SERPINB11: variants seen among roughly 807,000 people sequenced by gnomAD.
SERPINB11 encodes the protein serpin family B member 11.
In SERPINB11, 32 loss-of-function variants were observed where a neutral mutation model predicts 36.7. That is an observed-to-expected ratio of 0.87 (90% CI 0.66 to 1.17). SERPINB11 has a LOEUF of 1.17. Among genes scored for constraint, SERPINB11 ranks in the 50% most tolerant of loss-of-function variants. SERPINB11 has a pLI of 0.00. For synonymous variants in SERPINB11, 174 were observed against 168.1 expected (o/e 1.04, Z -0.27); for missense variants, 528 against 458.4 (o/e 1.15, Z -1.39).
At position 63,708,532 on chromosome 18, in the gene SERPINB11, G is replaced by T. The variant is rs562866154; in HGVS notation, c.-15-1647G>T. On this transcript the variant is annotated intron_variant, in intron 1 of 7. Coordinates refer to ENST00000544088, the MANE Select transcript of SERPINB11 (RefSeq NM_001370475.1). The stretch of plus-strand genomic sequence containing the variant: ...GAAAGTACTTAAGGATGATCACAAG[G>T]TTTTTAGCTTGAGAAAGAATAGAAG... Among the ~76,000 whole-genome samples the T allele has an allele frequency of 3.3e-5, 5 of 152,284 alleles. No homozygotes were observed. The South Asian group carries it at 8.3e-4, about 25-fold the overall frequency.
At chr18:63,711,462 T>C in intron 3 of SERPINB11, 68 bp downstream of exon 3, 1 of 1,242,620 alleles carries the variant, frequency 8.0e-7, no homozygotes, top group Non-Finnish European at 1.2e-6. Context: ...ATAGTCTGGG[T>C]GTTGAGTAGA....
At chr18:63,712,824 G>T in intron 4 of SERPINB11, 131 bp downstream of exon 4, 1 of 1,025,434 alleles carries the variant, frequency 9.8e-7, no homozygotes, top group Non-Finnish European at 1.4e-6. Flanking sequence ...CTAACTTACA[G>T]TTTCAGTGAA....
Position 63,723,358 on chromosome 18 carries a change from AC to A in SERPINB11, c.1140del (p.Asn381ThrfsTer25), listed in dbSNP as rs1241084525. ...PFLFFIRHTH[T>X]NTILFCGKLA... ...CCTTTTCTTTATAAGGCACACTCAT[AC>A]CAACACGATCCTATTCTGTGGCAAG... On this transcript the variant is annotated frameshift_variant, in exon 8 of 8. Coordinates refer to ENST00000544088, the MANE Select transcript of SERPINB11 (RefSeq NM_001370475.1). LOFTEE classifies it high-confidence loss of function. 1 of 1,613,528 alleles carries A rather than the reference AC, an allele frequency of 6.2e-7. No individual in the cohort carries two copies. The highest frequency in any genetic ancestry group is 8.5e-7 in the Non-Finnish European group (1 of 1,179,634).
intron 5 of SERPINB11, among the ~76,000 whole-genome samples, chr18:63,717,061 T>G (rs1376611381): frequency 6.6e-6 from 1 of 152,094 alleles, no homozygotes; most frequent in Non-Finnish European, 1.5e-5. Flanking sequence ...AGCCCCTTTT[T>G]TCCCAAATGT....
At chr18:63,712,758 TTGA>T in intron 4 of SERPINB11, 65 bp downstream of exon 4, 1 of 1,544,662 alleles carries the variant, frequency 6.5e-7, no homozygotes. Flanking sequence ...TACCCCAAAA[TTGA>T]TGAAGAGTGA....
intron 1 of SERPINB11, among the ~76,000 whole-genome samples, chr18:63,707,357 A>G (rs1914398188): frequency 6.6e-6 from 1 of 152,196 alleles, no homozygotes; most frequent in African/African-American, 2.4e-5. Flanking sequence ...ATGAAGACCC[A>G]ACTCCATCAT....
chr18:63,718,726 G>A (rs1009796581), intron 5 of SERPINB11, among the ~76,000 whole-genome samples: 4 of 152,072 alleles, frequency 2.6e-5, no homozygotes, highest in African/African-American at 9.7e-5. Flanking sequence ...TCACTTAACA[G>A]TGATGAGCTC....
chr18:63,702,766 C>T (rs1218077427), upstream of SERPINB11: 1 of 152,210 alleles, frequency 6.6e-6, no homozygotes, highest in Non-Finnish European at 1.5e-5. Flanking sequence ...CCACCTCAGC[C>T]TTCCAAAGTG....
chr18:63,720,047 T>C lies in SERPINB11; in HGVS notation c.510T>C (p.Ile170=), dbSNP rs770859713. 2 of 1,609,492 alleles carry C rather than the reference T, an allele frequency of 1.2e-6. No homozygotes were observed. Among genetic ancestry groups the C allele is most frequent in the Admixed American group, 3.4e-5 (2 of 59,098 alleles). The change falls in exon 6 of 8, where the codon ATT becomes ATC. Residue 170 remains isoleucine (I), a synonymous_variant. Coordinates refer to ENST00000544088, the MANE Select transcript of SERPINB11 (RefSeq NM_001370475.1). ...CAAATCTCTTTGGAAAGAGCACAAT[T>C]GACCCTTCATCTGTAATGGTCCTGG... ...KVANLFGKST[I]DPSSVMVLVN... is the part of the protein sequence containing the mutation.
At position 63,723,051 on chromosome 18, in the gene SERPINB11, G is replaced by T; in HGVS notation, c.831G>T (p.Met277Ile). The change falls in exon 8 of 8, where the codon ATG becomes ATT. Residue 277 changes from methionine to isoleucine, a missense_variant. Coordinates refer to ENST00000544088, the MANE Select transcript of SERPINB11 (RefSeq NM_001370475.1). ...TFHEWTSSSN[M>I]MEREVEVHLP... is the part of the protein sequence containing the mutation. ...ATGAGTGGACAAGCTCTTCTAACATGATGGAAAGAGAAGTTGAAGTACACC... is the reference window on the plus strand; with the variant it reads ...ATGAGTGGACAAGCTCTTCTAACATTATGGAAAGAGAAGTTGAAGTACACC... 1 of 1,603,094 alleles carries T rather than the reference G, an allele frequency of 6.2e-7. No homozygotes were observed. The highest frequency in any genetic ancestry group is 8.5e-7 in the Non-Finnish European group (1 of 1,174,746).
At chr18:63,714,804 A>G (rs771158443) in intron 4 of SERPINB11, among the ~76,000 whole-genome samples, 2 of 152,112 alleles carry the variant, frequency 1.3e-5, no homozygotes, top group Non-Finnish European at 2.9e-5. Flanking sequence ...AGTTAACGCA[A>G]TCATCACAGG....
chr18:63,714,881 A>G (rs1914626733), intron 4 of SERPINB11, among the ~76,000 whole-genome samples: 1 of 152,224 alleles, frequency 6.6e-6, no homozygotes, highest in Admixed American at 6.5e-5. Context: ...GAAGACAGGC[A>G]TAGAAAATCA....
chr18:63,721,259 T>A (rs1361637314), intron 7 of SERPINB11, among the ~76,000 whole-genome samples: 1 of 152,226 alleles, frequency 6.6e-6, no homozygotes, highest in Non-Finnish European at 1.5e-5. Flanking sequence ...AAGTACTGGT[T>A]GGTTGATAGT....
intron 1 of SERPINB11, among the ~76,000 whole-genome samples, chr18:63,704,458 C>T (rs1045806526): frequency 8.5e-5 from 13 of 152,194 alleles, no homozygotes; most frequent in African/African-American, 3.1e-4. Flanking sequence ...TGCACTTTGG[C>T]ACTACATTAA....
At chr18:63,709,468 G>A (rs533398013) in intron 1 of SERPINB11, among the ~76,000 whole-genome samples, 18 of 152,026 alleles carry the variant, frequency 1.2e-4, no homozygotes, top group Middle Eastern at 3.4e-3. Context: ...AAAGTTAGCC[G>A]GGCGTGGTGG....
chr18:63,718,647 G>A (rs1598966931), intron 5 of SERPINB11, among the ~76,000 whole-genome samples: 1 of 151,764 alleles, frequency 6.6e-6, no homozygotes, highest in African/African-American at 2.4e-5. Context: ...TTCTAGTTTA[G>A]CTTTATATTA....
intron 5 of SERPINB11, among the ~76,000 whole-genome samples, chr18:63,717,099 T>G (rs898783524): frequency 2.0e-5 from 3 of 152,080 alleles, no homozygotes; most frequent in African/African-American, 7.2e-5. Flanking sequence ...CTGTTACCAC[T>G]TATTAGTTCT....
At chr18:63,704,293 C>G (rs1914315080) in intron 1 of SERPINB11, among the ~76,000 whole-genome samples, 1 of 152,194 alleles carries the variant, frequency 6.6e-6, no homozygotes, top group South Asian at 2.1e-4. Context: ...ATAAATCCAT[C>G]CATACACACC....
At chr18:63,703,790 C>T (rs1914300679) in intron 1 of SERPINB11, among the ~76,000 whole-genome samples, 1 of 152,168 alleles carries the variant, frequency 6.6e-6, no homozygotes, top group African/African-American at 2.4e-5. Context: ...TGTTGCAGTC[C>T]TTCAGTGTCA....
Sources: gnomAD v4.1 joint callset for allele counts (sites outside exome capture counted in the v4.1 genomes callset) on GRCh38, gnomAD v4.1.1 for gene constraint, MANE v1.5 for transcripts, NCBI Gene and HGNC (gene_info 2026-07-23, HGNC 2026-07-21) for gene names.